The following TASP1 variants were observed in gnomAD, a reference collection of about 807,000 sequenced individuals.
TASP1 encodes threonine aspartase 1.
TASP1 carries 16 observed loss-of-function variants against 56.6 expected under a neutral mutation model. The observed-to-expected ratio is 0.28, with a 90% CI of 0.19 to 0.43. TASP1 has a LOEUF of 0.43. Ranked by LOEUF, TASP1 falls within the 20% of genes least tolerant of loss-of-function variation. The pLI is 1.00. For missense variants in TASP1, 393 were observed against 511.6 expected, an observed-to-expected ratio of 0.77 and a Z score of 2.24; for synonymous variants, 179 against 184.2, an observed-to-expected ratio of 0.97 and a Z score of 0.23.
intron 8 of TASP1, among the ~76,000 whole-genome samples, chr20:13,550,089 G>T (rs1330187606): frequency 1.3e-5 from 2 of 148,962 alleles, no homozygotes; most frequent in Admixed American, 6.7e-5. Flanking sequence ...AATCTCCTAG[G>T]TATTGAATCT....
the TASP1 span, among the ~76,000 whole-genome samples, chr20:13,215,107 A>C: frequency 6.6e-6 from 1 of 152,282 alleles, no homozygotes; most frequent in East Asian, 1.9e-4. Flanking sequence ...GCATACTTTA[A>C]TTTTTGAAAG....
the TASP1 span, chr20:13,110,154 A>T: frequency 6.2e-7 from 1 of 1,613,726 alleles, no homozygotes; most frequent in Non-Finnish European, 8.5e-7. Flanking sequence ...GCTGTCATCT[A>T]TGGCCAGCCT....
the TASP1 span, among the ~76,000 whole-genome samples, chr20:13,136,778 TAAC>T: frequency 1.0e-4 from 15 of 149,266 alleles, no homozygotes; most frequent in East Asian, 9.8e-4. Flanking sequence ...CAGGAAGAAA[TAAC>T]AATGCAATAT....
intron 11 of TASP1, among the ~76,000 whole-genome samples, chr20:13,455,664 A>G (rs2043805460): frequency 6.6e-6 from 1 of 152,152 alleles, no homozygotes; most frequent in Non-Finnish European, 1.5e-5. Flanking sequence ...GCAGCAGACC[A>G]TCCACATCAA....
At chr20:13,192,753 G>T in the TASP1 span, among the ~76,000 whole-genome samples, 1 of 150,222 alleles carries the variant, frequency 6.7e-6, no homozygotes, top group Non-Finnish European at 1.5e-5. Context: ...TGTAGAGAAA[G>T]GGTCTCACTA....
chr20:13,299,517 ACT>A, the TASP1 span: 1 of 1,499,442 alleles, frequency 6.7e-7, no homozygotes, highest in Non-Finnish European at 9.0e-7. The surrounding 1 kb of genome is among the most constrained non-coding windows in gnomAD (Gnocchi z 5.8). Context: ...CACGTGCTGC[ACT>A]GACGTGCCGA....
At chr20:13,319,061 A>C in the TASP1 span, among the ~76,000 whole-genome samples, 3 of 152,206 alleles carry the variant, frequency 2.0e-5, no homozygotes, top group South Asian at 4.1e-4. Flanking sequence ...CAGTTGTAAC[A>C]AATGCATGAC....
intron 1 of TASP1, among the ~76,000 whole-genome samples, chr20:13,630,459 C>A (rs961374290): frequency 6.6e-6 from 1 of 151,928 alleles, no homozygotes; most frequent in African/African-American, 2.4e-5. Context: ...GAGGCTGAGG[C>A]GGGTGGATCA....
rs1270198162 is a variant in TASP1 at position 13,435,046 on chromosome 20, A to G, written c.1094T>C (p.Leu365Pro). The G allele has an allele frequency of 1.9e-6, 3 of 1,607,000 alleles. No individual in the cohort carries two copies. Among genetic ancestry groups the G allele is most frequent in the South Asian group, 1.1e-5 (1 of 89,838 alleles). ...CACAATGTATATGTCTCACTTACCT[A>G]GAAGTGTCTGCTTATTTTGGGAGGA... ...PDSSQNKQTL[L>P]VEFLWSHTTE... The change falls in exon 12 of 14, where the codon CTA (leucine) becomes CCA (proline). Residue 365 changes from leucine to proline, a missense_variant and splice_region_variant. Physicochemically the swap from Leu to Pro is moderately conservative, Grantham distance 98. Around this residue, in one of 3 missense-constraint regions of TASP1, gnomAD observed 293 missense variants for 354.2 expected, o/e 0.83. Coordinates refer to ENST00000337743, the MANE Select transcript of TASP1 (RefSeq NM_017714.3).
intron 2 of TASP1, among the ~76,000 whole-genome samples, chr20:13,629,171 A>T (rs1352350402): frequency 6.6e-6 from 1 of 152,012 alleles, no homozygotes. Context: ...TTTGAGACCC[A>T]CCTGGCCAAT....
the TASP1 span, among the ~76,000 whole-genome samples, chr20:13,374,616 G>C: frequency 2.6e-5 from 4 of 152,152 alleles, no homozygotes; most frequent in Non-Finnish European, 5.9e-5. Context: ...CCAAAGTGCT[G>C]GGATTACAGA....
the TASP1 span, among the ~76,000 whole-genome samples, chr20:13,358,612 C>T: frequency 1.3e-5 from 2 of 151,980 alleles, no homozygotes; most frequent in South Asian, 2.1e-4. Context: ...AAAGGACACA[C>T]GTTTTATCCG....
At chr20:13,197,253 A>C in the TASP1 span, among the ~76,000 whole-genome samples, 1 of 152,214 alleles carries the variant, frequency 6.6e-6, no homozygotes, top group Non-Finnish European at 1.5e-5. Context: ...GGTAAGAGTG[A>C]CCAACCCACC....
chr20:13,616,346 A>C (rs2048524068), intron 4 of TASP1, among the ~76,000 whole-genome samples: 1 of 152,158 alleles, frequency 6.6e-6, no homozygotes, highest in African/African-American at 2.4e-5. Flanking sequence ...CTCCCAGAGA[A>C]AAACAAGGGC....
At chr20:13,126,826 G>A in the TASP1 span, 3 of 1,394,336 alleles carry the variant, frequency 2.2e-6, no homozygotes, top group Non-Finnish European at 1.9e-6. Context: ...AACCCTATTT[G>A]TAAATCAAGC....
chr20:13,471,295 A>G (rs1003134055), intron 11 of TASP1, among the ~76,000 whole-genome samples: 35 of 152,118 alleles, frequency 2.3e-4, no homozygotes, highest in African/African-American at 7.2e-4. Context: ...GACAACCCCA[A>G]GGTCTCAACT....
the TASP1 span, among the ~76,000 whole-genome samples, chr20:13,379,940 C>T: frequency 6.6e-6 from 1 of 152,186 alleles, no homozygotes; most frequent in Non-Finnish European, 1.5e-5. Flanking sequence ...TTATGTTCTT[C>T]TCTAGACTGG....
At chr20:13,342,757 C>T in the TASP1 span, among the ~76,000 whole-genome samples, 1 of 152,184 alleles carries the variant, frequency 6.6e-6, no homozygotes, top group Non-Finnish European at 1.5e-5. Context: ...TGGAGTGCCT[C>T]ATTCAATGAA....
At chr20:13,115,032 G>A in the TASP1 span, among the ~76,000 whole-genome samples, 3 of 152,178 alleles carry the variant, frequency 2.0e-5, no homozygotes, top group Admixed American at 6.5e-5. Flanking sequence ...ACCTACAGTC[G>A]TGTTTTAGTT....
Sources: allele counts gnomAD v4.1 joint callset (sites outside exome capture counted in the v4.1 genomes callset), GRCh38; gene constraint gnomAD v4.1.1; regional missense constraint gnomAD v4.1.1; non-coding constraint Gnocchi (gnomAD v3.1); transcripts MANE v1.5; gene names NCBI Gene and HGNC (gene_info 2026-07-23, HGNC 2026-07-21).